Variants in ST3GAL1 observed in about 807,000 individuals in gnomAD.
ST3GAL1 encodes CMP-N-acetylneuraminate-beta-galactosamide-alpha-2,3-sialyltransferase 1.
In ST3GAL1, 16 loss-of-function variants were observed where a neutral mutation model predicts 34.1. The ratio of observed to expected loss-of-function variants is 0.47; its 90% CI spans 0.32 to 0.71. The LOEUF is 0.71. ST3GAL1 is among the 30% of genes least tolerant of loss of function. The pLI, the probability that ST3GAL1 is intolerant of heterozygous loss-of-function variation, is 0.04. For missense variants in ST3GAL1, 353 were observed against 447.4 expected (o/e 0.79, Z 1.90); for synonymous variants, 191 against 184.7 (o/e 1.03, Z -0.28).
At chr8:133,514,026 T>C (rs756711674) in intron 2 of ST3GAL1, among the ~76,000 whole-genome samples, 1 of 152,134 alleles carries the variant, frequency 6.6e-6, no homozygotes, top group African/African-American at 2.4e-5. Flanking sequence ...ACCTGGCTAA[T>C]ATCCATAATA....
chr8:133,475,072 T>A (rs751189346), intron 5 of ST3GAL1, among the ~76,000 whole-genome samples: 1 of 152,178 alleles, frequency 6.6e-6, no homozygotes, highest in Admixed American at 6.5e-5. Flanking sequence ...TTGTTGAGGA[T>A]CTCTGCATGA....
intron 1 of ST3GAL1, among the ~76,000 whole-genome samples, chr8:133,565,151 C>CTGTGTGTGTG (rs60990775): frequency 0.015 from 2,107 of 139,384 alleles, 33 homozygotes; most frequent in African/African-American, 0.031. Context: ...CTCTGTGTGC[C>CTGTGTGTGTG]TGTGTGTGTG....
chr8:133,492,493 G>A (rs1003811972), intron 3 of ST3GAL1, among the ~76,000 whole-genome samples: 1 of 152,216 alleles, frequency 6.6e-6, no homozygotes, highest in Non-Finnish European at 1.5e-5. Flanking sequence ...GGCTGCAGCA[G>A]GTGGATCACT....
chr8:133,502,846 T>C, intron 2 of ST3GAL1, among the ~76,000 whole-genome samples: 1 of 152,222 alleles, frequency 6.6e-6, no homozygotes. Context: ...ATTCCCCTTC[T>C]AGCAGCCTCC....
intron 2 of ST3GAL1, among the ~76,000 whole-genome samples, chr8:133,541,034 CATAT>C (rs370767285): frequency 1.0e-5 from 1 of 96,646 alleles, no homozygotes; most frequent in East Asian, 3.3e-4. Flanking sequence ...TATATATAGA[CATAT>C]ATAGACATAT....
chr8:133,512,822 G>C lies in ST3GAL1; in HGVS notation c.-428-13633C>G, dbSNP rs146884638. 7.6e-3 allele frequency among the ~76,000 whole-genome samples: 1,151 copies of C among 152,314 alleles called. 24 individuals are homozygous for C. The highest frequency in any genetic ancestry group is 0.026 in the African/African-American group (1,089 of 41,564). The stretch of plus-strand genomic sequence containing the variant: ...TCATTCAAAGTTATAGGATAGGAAA[G>C]TTATATCTTGAATACAGCACTGGGT... On this transcript the variant is annotated intron_variant, in intron 2 of 9. Transcript: ENST00000522652.
chr8:133,564,553 C>CACACACACAG (rs1232550194), intron 1 of ST3GAL1, among the ~76,000 whole-genome samples: 1 of 151,490 alleles, frequency 6.6e-6, no homozygotes, highest in East Asian at 1.9e-4. Flanking sequence ...CACACACACA[C>CACACACACAG]AGAGTCAGAA....
At chr8:133,513,103 C>T (rs2131014498) in intron 2 of ST3GAL1, among the ~76,000 whole-genome samples, 1 of 152,282 alleles carries the variant, frequency 6.6e-6, no homozygotes, top group Middle Eastern at 3.4e-3. Context: ...CCTCAGAGAA[C>T]ACGGTCATCA....
rs541701111 is a variant in ST3GAL1, at chr8:133,508,016, C to T, written c.-428-8827G>A. ...CCCCTGGGAGGTGCCCACCCTCTCA[C>T]CCCCCACACCCTAGGCAGCCCACAG... On this transcript the variant is annotated intron_variant, in intron 2 of 9. Coordinates refer to ENST00000522652, the MANE Select transcript of ST3GAL1 (RefSeq NM_173344.3). This position sits in a 1 kb window ranked among gnomAD's most constrained non-coding sequence, Gnocchi z 4.1. Among the ~76,000 whole-genome samples, 335 of 152,286 alleles carry T rather than the reference C, an allele frequency of 2.2e-3. 4 individuals carry two copies. The highest frequency in any genetic ancestry group is 4.4e-3 in the African/African-American group (184 of 41,558).
At chr8:133,465,663 T>C in intron 6 of ST3GAL1, 1 of 435,680 alleles carries the variant, frequency 2.3e-6, no homozygotes, top group Non-Finnish European at 4.0e-6. Flanking sequence ...ACCTCCCGTG[T>C]ATGGCTTCCT....
At position 133,459,682 on chromosome 8, in the gene ST3GAL1, C is replaced by T. The variant is rs1001873549; in HGVS notation, c.*82G>A. On this transcript the variant is annotated 3_prime_UTR_variant, in exon 10 of 10. Coordinates refer to ENST00000522652, the MANE Select transcript of ST3GAL1 (RefSeq NM_173344.3). The surrounding 1 kb of genome is among the most constrained non-coding windows in gnomAD (Gnocchi z 4.7). Reference sequence around the variant, plus strand: ...CACCTGAGGCTGCCCCTCCAAGCTCCGGGATGGAACGGCTCCAGCAAGATG... The same window carrying T: ...CACCTGAGGCTGCCCCTCCAAGCTCTGGGATGGAACGGCTCCAGCAAGATG... The T allele has an allele frequency of 1.8e-5, 27 of 1,508,700 alleles. No individual in the cohort carries two copies. The highest frequency in any genetic ancestry group is 2.4e-4 in the Middle Eastern group (1 of 4,210). The allele number at this position is 1,508,700 out of a possible 1,614,324, so 93.5% of individuals were successfully genotyped here.
chr8:133,460,060 G>T, intron 9 of ST3GAL1, 123 bp from the exon 10 acceptor site: 2 of 1,026,094 alleles, frequency 1.9e-6, no homozygotes, highest in South Asian at 2.0e-5. Context: ...CAAGGACTCT[G>T]ACTAACCCTT....
chr8:133,518,424 A>G (rs189750705), intron 2 of ST3GAL1, among the ~76,000 whole-genome samples: 2 of 152,350 alleles, frequency 1.3e-5, no homozygotes, highest in African/African-American at 4.8e-5. Context: ...CTTAGAAAAG[A>G]TCCTGCAAGG....
intron 2 of ST3GAL1, among the ~76,000 whole-genome samples, chr8:133,523,803 C>A (rs12675565): frequency 6.6e-6 from 1 of 152,220 alleles, no homozygotes; most frequent in African/African-American, 2.4e-5. Flanking sequence ...CCTCGTCTCT[C>A]GAAGTGGGAG....
rs1310687895 is a variant in ST3GAL1 at position 133,556,469 on chromosome 8, C to T, written c.-581-10543G>A. Among the ~76,000 whole-genome samples, 1 of 152,160 alleles carries T rather than the reference C, an allele frequency of 6.6e-6. No homozygotes were observed. The highest frequency in any genetic ancestry group is 1.5e-5 in the Non-Finnish European group (1 of 68,038). On this transcript the variant is annotated intron_variant, in intron 1 of 9. Transcript: ENST00000522652. This position sits in a 1 kb window ranked among gnomAD's most constrained non-coding sequence, Gnocchi z 8.9. Reference sequence around the variant, plus strand: ...AGGCTGTACAGCTGTCCTCTGGGCCCAGCATATATTGTTCTGTCCGCTCAG... The same window carrying T: ...AGGCTGTACAGCTGTCCTCTGGGCCTAGCATATATTGTTCTGTCCGCTCAG...
chr8:133,559,564 C>A (rs1819156891), intron 1 of ST3GAL1, among the ~76,000 whole-genome samples: 1 of 152,156 alleles, frequency 6.6e-6, no homozygotes, highest in African/African-American at 2.4e-5. Context: ...CAAAGACATT[C>A]CTATTCGTGG....
At chr8:133,493,862 AAG>A (rs1485760818) in intron 3 of ST3GAL1, among the ~76,000 whole-genome samples, 2 of 150,228 alleles carry the variant, frequency 1.3e-5, no homozygotes, top group Non-Finnish European at 1.5e-5. Flanking sequence ...AAAAAAAAAA[AAG>A]AGAGAGAGAG....
chr8:133,491,006 T>G (rs1816768185), intron 3 of ST3GAL1, among the ~76,000 whole-genome samples: 1 of 152,112 alleles, frequency 6.6e-6, no homozygotes, highest in African/African-American at 2.4e-5. Context: ...CCCTTCGATG[T>G]GCTTGCAAAT....
chr8:133,550,409 C>T (rs1230469273), intron 1 of ST3GAL1, among the ~76,000 whole-genome samples: 1 of 152,182 alleles, frequency 6.6e-6, no homozygotes, highest in African/African-American at 2.4e-5. Flanking sequence ...TTCAGAAAAG[C>T]TCATGTGACT....
Sources: allele counts gnomAD v4.1 joint callset (sites outside exome capture counted in the v4.1 genomes callset), GRCh38; gene constraint gnomAD v4.1.1; non-coding constraint Gnocchi (gnomAD v3.1); transcripts MANE v1.5; gene names NCBI Gene and HGNC (gene_info 2026-07-23, HGNC 2026-07-21).